Variants in CBLN2 observed in about 807,000 individuals in gnomAD.
CBLN2 encodes the protein cerebellin 2 precursor, also known as cerebellin-2.
Under a neutral mutation model 15.0 loss-of-function variants are expected in CBLN2, and 7 were observed. The ratio of observed to expected loss-of-function variants is 0.47; its 90% confidence interval spans 0.27 to 0.88. The LOEUF is 0.88. CBLN2 is among the 40% of genes least tolerant of loss of function. CBLN2 has a pLI of 0.14. For synonymous variants in CBLN2, 149 were observed against 135.2 expected (o/e 1.10, Z -0.71); for missense variants, 242 against 304.5 (o/e 0.79, Z 1.53).
At chr18:72,587,081 A>G (rs1460746411) in intron 1 of CBLN2, among the ~76,000 whole-genome samples, 3 of 152,034 alleles carry the variant, frequency 2.0e-5, no homozygotes, top group Non-Finnish European at 2.9e-5. Context: ...TAAAAAATAT[A>G]TTAGGGAGGT....
chr18:72,620,286 A>C (rs1317097450), intron 1 of CBLN2: 1 of 152,084 alleles, frequency 6.6e-6, no homozygotes, highest in Non-Finnish European at 1.5e-5. Context: ...GTGGCTCCCG[A>C]GCTCTTGTCT....
intron 1 of CBLN2, among the ~76,000 whole-genome samples, chr18:72,596,421 T>C (rs2069514165): frequency 6.6e-6 from 1 of 152,184 alleles, no homozygotes; most frequent in Non-Finnish European, 1.5e-5. Flanking sequence ...CAGTTCATCT[T>C]TTCATCTTTC....
At chr18:72,553,501 T>TAG (rs2069204619) in intron 1 of CBLN2, among the ~76,000 whole-genome samples, 2 of 151,394 alleles carry the variant, frequency 1.3e-5, no homozygotes, top group Non-Finnish European at 2.9e-5. Context: ...GATAGATAGA[T>TAG]ATGAAAACAG....
At chr18:72,565,470 A>G (rs906864779) in intron 1 of CBLN2, among the ~76,000 whole-genome samples, 1 of 152,200 alleles carries the variant, frequency 6.6e-6, no homozygotes, top group Non-Finnish European at 1.5e-5. Flanking sequence ...GTTGAGGAAC[A>G]TATAACATAA....
chr18:72,592,791 T>C (rs545629179), intron 1 of CBLN2, among the ~76,000 whole-genome samples: 2 of 152,278 alleles, frequency 1.3e-5, no homozygotes, highest in South Asian at 4.1e-4. Flanking sequence ...TTGTCAAAAA[T>C]GAGTTCACTG....
At chr18:72,552,190 A>G (rs966455060) in intron 1 of CBLN2, among the ~76,000 whole-genome samples, 2 of 151,384 alleles carry the variant, frequency 1.3e-5, no homozygotes, top group African/African-American at 4.9e-5. Context: ...GGGTTCAAGC[A>G]ATTCTACCTC....
chr18:72,602,017 G>A (rs944901623), intron 1 of CBLN2, among the ~76,000 whole-genome samples: 1 of 151,820 alleles, frequency 6.6e-6, no homozygotes, highest in African/African-American at 2.4e-5. Flanking sequence ...AAGCCTGGAG[G>A]GCCTGTGGCC....
At chr18:72,627,804 T>C (rs1480317140) in intron 1 of CBLN2, among the ~76,000 whole-genome samples, 1 of 152,236 alleles carries the variant, frequency 6.6e-6, no homozygotes, top group East Asian at 1.9e-4. Context: ...CTACAAGTGT[T>C]AAAAGTTCAA....
intron 1 of CBLN2, among the ~76,000 whole-genome samples, chr18:72,602,080 G>C (rs1291765402): frequency 1.3e-5 from 2 of 152,176 alleles, no homozygotes; most frequent in African/African-American, 4.8e-5. Context: ...ACTGCAGACT[G>C]ACTGCACCAG....
At chr18:72,560,029 G>T (rs934309595) in intron 1 of CBLN2, among the ~76,000 whole-genome samples, 6 of 152,116 alleles carry the variant, frequency 3.9e-5, no homozygotes, top group Non-Finnish European at 7.4e-5. Flanking sequence ...AACCCAGGAA[G>T]GAGCTCATCA....
intron 1 of CBLN2, among the ~76,000 whole-genome samples, chr18:72,584,502 C>T (rs1241529736): frequency 6.6e-6 from 1 of 151,706 alleles, no homozygotes. Flanking sequence ...TAGGGTTTCA[C>T]CGTGTTGGTC....
In CBLN2 at chr18:72,578,525, T is replaced by C. The variant is rs149940466; in HGVS notation, c.16-39753A>G. ...CTGGTGAAGATCATCATTTCTATTG[T>C]CTGGTATACTCTTTGTCCCCTCCTT... is the stretch of plus-strand genomic sequence containing the variant. On this transcript the variant is annotated intron_variant, in intron 1 of 2. Transcript: ENST00000581073. Among the ~76,000 whole-genome samples, 9 of 152,342 alleles carry C rather than the reference T, an allele frequency of 5.9e-5. No individual in the cohort carries two copies. The South Asian group carries it at 1.5e-3, about 25-fold the overall frequency.
intron 1 of CBLN2, among the ~76,000 whole-genome samples, chr18:72,628,112 A>G (rs1167179174): frequency 2.0e-5 from 3 of 152,196 alleles, no homozygotes; most frequent in Non-Finnish European, 4.4e-5. Flanking sequence ...TGGGCATGCA[A>G]TCAGTCTCAT....
At chr18:72,633,350 T>A (rs1294879472) in intron 1 of CBLN2, among the ~76,000 whole-genome samples, 1 of 152,196 alleles carries the variant, frequency 6.6e-6, no homozygotes, top group African/African-American at 2.4e-5. Flanking sequence ...CTATGACTAT[T>A]CCTAGGACCA....
intron 1 of CBLN2, among the ~76,000 whole-genome samples, chr18:72,578,095 C>T: frequency 6.6e-6 from 1 of 152,162 alleles, no homozygotes; most frequent in East Asian, 1.9e-4. Context: ...TCAATTCACT[C>T]ATTTCTAAAA....
intron 1 of CBLN2, among the ~76,000 whole-genome samples, chr18:72,575,307 T>A (rs887980886): frequency 2.0e-5 from 3 of 152,116 alleles, no homozygotes; most frequent in African/African-American, 7.2e-5. Flanking sequence ...GAGAGGATTT[T>A]AAATACCTTG....
chr18:72,596,027 C>T (rs2069511495), intron 1 of CBLN2, among the ~76,000 whole-genome samples: 1 of 152,004 alleles, frequency 6.6e-6, no homozygotes, highest in Non-Finnish European at 1.5e-5. Context: ...TATTTATATG[C>T]AATGTGATTG....
intron 1 of CBLN2, among the ~76,000 whole-genome samples, chr18:72,558,992 C>G (rs1598997973): frequency 1.3e-5 from 2 of 152,164 alleles, no homozygotes; most frequent in Non-Finnish European, 2.9e-5. Context: ...GAAGTCAAGG[C>G]TGCAGTAAGC....
upstream of CBLN2, among the ~76,000 whole-genome samples, chr18:72,549,194 T>C (rs2069177154): frequency 1.3e-5 from 2 of 151,998 alleles, no homozygotes; most frequent in Non-Finnish European, 2.9e-5. Context: ...GTATTTTTAG[T>C]AGGGAAGGGG....
Sources: gnomAD v4.1 joint callset for allele counts (sites outside exome capture counted in the v4.1 genomes callset) on GRCh38, gnomAD v4.1.1 for gene constraint, MANE v1.5 for transcripts, NCBI Gene and HGNC (gene_info 2026-07-23, HGNC 2026-07-21) for gene names.